Variants in PRKG1 observed in about 807,000 individuals in gnomAD.
The protein encoded by PRKG1 is protein kinase cGMP-dependent 1, also known as cGMP-dependent protein kinase 1.
A neutral mutation model predicts 88.1 loss-of-function variants in PRKG1; 35 were observed. The observed-to-expected ratio is 0.40, with a 90% CI of 0.30 to 0.53. PRKG1 has a LOEUF of 0.53. Among genes scored for constraint, PRKG1 ranks in the 20% least tolerant of loss-of-function variants. The pLI is 0.59. For synonymous variants in PRKG1, 303 were observed against 292.5 expected (o/e 1.04, Z -0.37); for missense variants, 540 against 839.8 (o/e 0.64, Z 4.41).
At chr10:51,378,549 A>C (rs1410457884) in intron 2 of PRKG1, among the ~76,000 whole-genome samples, 1 of 152,214 alleles carries the variant, frequency 6.6e-6, no homozygotes, top group African/African-American at 2.4e-5. Context: ...AGAGGAGACT[A>C]TTGTACATTT....
intron 10 of PRKG1, among the ~76,000 whole-genome samples, chr10:52,268,206 T>C (rs1323697994): frequency 1.3e-5 from 2 of 152,156 alleles, no homozygotes; most frequent in Non-Finnish European, 2.9e-5. Flanking sequence ...ACTGGTTCCA[T>C]GCAAAGTAAA....
chr10:51,309,051 G>T (rs1397164311), intron 2 of PRKG1, among the ~76,000 whole-genome samples: 1 of 152,166 alleles, frequency 6.6e-6, no homozygotes, highest in African/African-American at 2.4e-5. Flanking sequence ...GAAGGGGTAA[G>T]TTCCTTCTCC....
At chr10:51,454,450 C>T (rs892432329) in intron 2 of PRKG1, among the ~76,000 whole-genome samples, 3 of 152,186 alleles carry the variant, frequency 2.0e-5, no homozygotes, top group African/African-American at 4.8e-5. Flanking sequence ...AAAATTCTTA[C>T]AGCCAACTGA....
intron 3 of PRKG1, among the ~76,000 whole-genome samples, chr10:51,475,191 G>A (rs1382516921): frequency 6.6e-6 from 1 of 151,902 alleles, no homozygotes; most frequent in Non-Finnish European, 1.5e-5. Flanking sequence ...TCCTGAATAA[G>A]GCTCTTAATA....
rs545997411 is a variant in PRKG1 at position 51,812,853 on chromosome 10, G to GT, written c.698+8169dup. On this transcript the variant is annotated intron_variant, in intron 4 of 17. Transcript: ENST00000373980. ...GCTTCAAATGACAAATGACTGTTGAGTTTTTTGGCAAGTTCTTGTGTAGTT... is the reference window on the plus strand; with the variant it reads ...GCTTCAAATGACAAATGACTGTTGAGTTTTTTTGGCAAGTTCTTGTGTAGTT... 2.4e-3 allele frequency among the ~76,000 whole-genome samples: 370 copies of GT among 152,112 alleles called. 1 individual carries two copies. Among genetic ancestry groups the GT allele is most frequent in the Non-Finnish European group, 3.6e-3 (242 of 67,986 alleles).
intron 2 of PRKG1, among the ~76,000 whole-genome samples, chr10:51,448,628 T>C (rs1307155849): frequency 6.6e-6 from 1 of 152,068 alleles, no homozygotes; most frequent in Non-Finnish European, 1.5e-5. Flanking sequence ...AACAGATCTG[T>C]TTCTGTGCCA....
At chr10:51,729,036 C>A (rs1017999280) in intron 3 of PRKG1, among the ~76,000 whole-genome samples, 1 of 152,138 alleles carries the variant, frequency 6.6e-6, no homozygotes, top group Non-Finnish European at 1.5e-5. Context: ...ATCTACCAAC[C>A]CAGCAAAGAC....
At chr10:52,063,246 G>A (rs66543078) in intron 7 of PRKG1, among the ~76,000 whole-genome samples, 30,955 of 152,232 alleles carry the variant, frequency 0.2, 3,629 homozygotes, top group South Asian at 0.27. Flanking sequence ...CACTGCACAG[G>A]CAAACAAACT....
At chr10:51,717,699 G>T (rs1045135425) in intron 3 of PRKG1, among the ~76,000 whole-genome samples, 3 of 152,102 alleles carry the variant, frequency 2.0e-5, no homozygotes, top group Non-Finnish European at 4.4e-5. Context: ...GGGCATGGTG[G>T]CATGTGCCTG....
chr10:51,262,149 G>A (rs1246710242), intron 2 of PRKG1, among the ~76,000 whole-genome samples: 8 of 151,946 alleles, frequency 5.3e-5, no homozygotes, highest in East Asian at 1.9e-4. Flanking sequence ...GCCTCCCAAA[G>A]TGCTGGGATT....
chr10:51,953,193 T>G (rs943093877), intron 5 of PRKG1, among the ~76,000 whole-genome samples: 1 of 152,198 alleles, frequency 6.6e-6, no homozygotes, highest in Non-Finnish European at 1.5e-5. Context: ...TGGAAGATTA[T>G]AATTTGTGTG....
At chr10:51,628,014 CTTTCTT>C (rs1839405598) in intron 3 of PRKG1, among the ~76,000 whole-genome samples, 1,524 of 54,924 alleles carry the variant, frequency 0.028, 49 homozygotes, top group East Asian at 0.1. Context: ...CTCTCTCTTT[CTTTCTT>C]TCTTTCTTTC....
chr10:51,444,842 A>C (rs1454825855), intron 2 of PRKG1, among the ~76,000 whole-genome samples: 1 of 151,944 alleles, frequency 6.6e-6, no homozygotes, highest in African/African-American at 2.4e-5. Flanking sequence ...GAACTTCAAA[A>C]CTAATGGAGA....
intron 2 of PRKG1, among the ~76,000 whole-genome samples, chr10:51,442,078 A>C (rs1839128464): frequency 6.6e-6 from 1 of 151,888 alleles, no homozygotes; most frequent in Non-Finnish European, 1.5e-5. Context: ...ACCAGGAAAA[A>C]AAAAACCCTG....
intron 5 of PRKG1, among the ~76,000 whole-genome samples, chr10:52,006,225 ACTTT>A (rs994370869): frequency 5.1e-4 from 77 of 152,334 alleles, no homozygotes; most frequent in African/African-American, 1.8e-3. Context: ...AAGCCAGAGC[ACTTT>A]CTTTCTTCCA....
At chr10:52,007,176 A>G (rs1844758632) in intron 5 of PRKG1, among the ~76,000 whole-genome samples, 1 of 152,202 alleles carries the variant, frequency 6.6e-6, no homozygotes, top group South Asian at 2.1e-4. Context: ...AACACACTTA[A>G]GTACACAGAC....
At chr10:51,319,512 A>T (rs1285314511) in intron 2 of PRKG1, among the ~76,000 whole-genome samples, 5 of 152,144 alleles carry the variant, frequency 3.3e-5, no homozygotes, top group African/African-American at 4.8e-5. Flanking sequence ...CAGGCACATA[A>T]AACTGGTGAA....
intron 2 of PRKG1, among the ~76,000 whole-genome samples, chr10:51,404,343 A>G (rs1397320990): frequency 6.6e-6 from 1 of 152,222 alleles, no homozygotes; most frequent in Non-Finnish European, 1.5e-5. Flanking sequence ...GATTGATAAT[A>G]GATTATGATG....
At position 52,241,922 on chromosome 10, in the gene PRKG1, TCTTC is replaced by T. The variant is rs1466366575; in HGVS notation, c.1077-9647_1077-9644del. Reference sequence around the variant, plus strand: ...AAAACAAAGCAAAGACTCTTCTTAGTCTTCGGGTAGAAAAGGGATTTTTAAATTT... The same window carrying T: ...AAAACAAAGCAAAGACTCTTCTTAGTGGGTAGAAAAGGGATTTTTAAATTT... On this transcript the variant is annotated intron_variant, in intron 9 of 17. Transcript: ENST00000373980. Among the ~76,000 whole-genome samples, 22 of 152,342 alleles carry T rather than the reference TCTTC, an allele frequency of 1.4e-4. No homozygotes were observed. In the East Asian group the frequency reaches 2.1e-3, roughly 15 times the overall value.
Sources: allele counts gnomAD v4.1 joint callset (sites outside exome capture counted in the v4.1 genomes callset), GRCh38; gene constraint gnomAD v4.1.1; transcripts MANE v1.5; gene names NCBI Gene and HGNC (gene_info 2026-07-23, HGNC 2026-07-21).